Variants in CNOT7 observed in about 807,000 individuals in gnomAD.
CNOT7 encodes BTG1-binding factor 1.
A neutral mutation model predicts 37.1 loss-of-function variants in CNOT7; 4 were observed. The observed-to-expected ratio is 0.11, with a 90% CI of 0.05 to 0.25. CNOT7 has a LOEUF of 0.25. Among genes scored for constraint, CNOT7 ranks in the 10% least tolerant of loss-of-function variants. CNOT7 has a pLI of 1.00. For missense variants in CNOT7, 170 were observed against 336.2 expected, an observed-to-expected ratio of 0.51 and a Z score of 3.87; for synonymous variants, 128 against 115.6, an observed-to-expected ratio of 1.11 and a Z score of -0.69.
At chr8:17,234,574 A>T in intron 5 of CNOT7, 142 bp downstream of exon 5, 2 of 889,002 alleles carry the variant, frequency 2.2e-6, no homozygotes, top group South Asian at 3.1e-5. Context: ...GCAAGAAAAA[A>T]AATCACATGA....
Position 17,234,783 on chromosome 8 carries a change from A to T in CNOT7, c.551T>A (p.Ile184Asn). The change falls in exon 5 of 7, where the codon ATC becomes AAC. Residue 184 changes from isoleucine to asparagine, a missense_variant. Coordinates refer to ENST00000361272, the MANE Select transcript of CNOT7 (RefSeq NM_013354.7). ...LPEEELDFFE[I>N]LRLFFPVIYD... is the part of the protein sequence containing the mutation. ...AATGACAGGAAAAAACAATCGAAGGATCTCAAAGAAGTCAAGTTCTTCTTC... is the reference window on the plus strand; with the variant it reads ...AATGACAGGAAAAAACAATCGAAGGTTCTCAAAGAAGTCAAGTTCTTCTTC... The T allele has an allele frequency of 6.2e-7, 1 of 1,614,080 alleles. No homozygotes were observed. The highest frequency in any genetic ancestry group is 8.5e-7 in the Non-Finnish European group (1 of 1,179,940).
rs143673036 is a variant in CNOT7 at position 17,230,454 on chromosome 8, T to C, written c.*266A>G. ...TAAAGTTTATCAAAATATTCAATGATGTAGCTTTCCCCACTCTCTGTCACA... is the reference window on the plus strand; with the variant it reads ...TAAAGTTTATCAAAATATTCAATGACGTAGCTTTCCCCACTCTCTGTCACA... On this transcript the variant is annotated 3_prime_UTR_variant, in exon 7 of 7. Coordinates refer to ENST00000361272, the MANE Select transcript of CNOT7 (RefSeq NM_013354.7). 1.3e-4 allele frequency: 30 copies of C among 232,774 alleles called. No individual in the cohort carries two copies. Among genetic ancestry groups the C allele is most frequent in the African/African-American group, 4.5e-4 (20 of 44,402 alleles). 14.4% of individuals were successfully genotyped at this position (232,774 alleles called of 1,614,324 possible).
chr8:17,245,418 A>T (rs1432168860), intron 1 of CNOT7, among the ~76,000 whole-genome samples, 171 bp from the exon 2 acceptor site: 2 of 152,180 alleles, frequency 1.3e-5, no homozygotes, highest in Non-Finnish European at 2.9e-5. Flanking sequence ...TATAGGAAAA[A>T]AAGGACTACA....
chr8:17,237,887 G>T (rs1044639601), intron 3 of CNOT7, among the ~76,000 whole-genome samples: 4 of 152,222 alleles, frequency 2.6e-5, no homozygotes, highest in African/African-American at 9.6e-5. Context: ...CTTAAAGAAG[G>T]AGATGCCTCC....
At position 17,229,626 on chromosome 8, in the gene CNOT7, A is replaced by T. The variant is rs996656362; in HGVS notation, c.*1094T>A. On this transcript the variant is annotated 3_prime_UTR_variant, in exon 7 of 7. Coordinates refer to ENST00000361272, the MANE Select transcript of CNOT7 (RefSeq NM_013354.7). The stretch of plus-strand genomic sequence containing the variant: ...ATTACACTCCTCAGGTAATTTTATC[A>T]GCTATATATATATATATGAGAATAT... 6.6e-6 allele frequency: 1 copy of T among 151,574 alleles called. No homozygotes were observed. The highest frequency in any genetic ancestry group is 6.6e-5 in the Admixed American group (1 of 15,108). The allele number at this position is 151,574 out of a possible 1,614,324, so 9.4% of individuals were successfully genotyped here. A position where few individuals can be genotyped will look rare whatever the true frequency, so the allele number is the denominator to read the frequency against.
Position 17,227,326 on chromosome 8 carries a change from T to C in CNOT7, c.*3394A>G, listed in dbSNP as rs1402003180. On this transcript the variant is annotated 3_prime_UTR_variant, in exon 7 of 7. Coordinates refer to ENST00000361272, the MANE Select transcript of CNOT7 (RefSeq NM_013354.7). ...TTGTAGTTCCATACAAATTCTTCGA[T>C]CACTTCAAATCCAGCAATGGTTTCT... 3 of 151,870 alleles carry C rather than the reference T, an allele frequency of 2.0e-5. No individual in the cohort carries two copies. The highest frequency in any genetic ancestry group is 4.4e-5 in the Non-Finnish European group (3 of 67,792). The allele number at this position is 151,870 out of a possible 1,614,324, so 9.4% of individuals were successfully genotyped here. A position where few individuals can be genotyped will look rare whatever the true frequency, so the allele number is the denominator to read the frequency against.
rs952192076 is a variant in CNOT7, at chr8:17,225,247, ATTC to A, written c.*5470_*5472del. On this transcript the variant is annotated 3_prime_UTR_variant, in exon 7 of 7. Transcript: ENST00000361272. ...TTTCTTGGTATGATACTAAATAAAG[ATTC>A]TTATCTTTTGGGAGAAAGAGCCAAA... 4 of 151,722 alleles carry A rather than the reference ATTC, an allele frequency of 2.6e-5. No homozygotes were observed. Among genetic ancestry groups the A allele is most frequent in the East Asian group, 1.9e-4 (1 of 5,186 alleles). The allele number at this position is 151,722 out of a possible 1,614,324, so 9.4% of individuals were successfully genotyped here.
chr8:17,245,357 A>T (rs553714118), intron 1 of CNOT7, 110 bp from the exon 2 acceptor site: 18 of 251,554 alleles, frequency 7.2e-5, no homozygotes, highest in Middle Eastern at 1.4e-3. Context: ...CTTGACTCAT[A>T]AAAAAAAAAA....
At position 17,245,066 on chromosome 8, in the gene CNOT7, T is replaced by G; in HGVS notation, c.87A>C (p.Gln29His). The change falls in exon 2 of 7, where the codon CAA becomes CAC. Residue 29 changes from glutamine to histidine, a missense_variant. Transcript: ENST00000361272. Reference sequence around the variant, plus strand: ...CAACGTAATTATATTTTCGGATAACTTGACGAATTTTCTTCATCTCTTCAT... The same window carrying G: ...CAACGTAATTATATTTTCGGATAACGTGACGAATTTTCTTCATCTCTTCAT... Reference protein sequence around the residue: ...NLDEEMKKIRQVIRKYNYVAM... With the variant: ...NLDEEMKKIRHVIRKYNYVAM... The G allele has an allele frequency of 6.2e-7, 1 of 1,613,764 alleles. No homozygotes were observed.
intron 3 of CNOT7, chr8:17,242,023 C>T (rs1424024059): frequency 1.3e-5 from 2 of 152,156 alleles, no homozygotes; most frequent in South Asian, 2.1e-4. Flanking sequence ...CATGTCGTTC[C>T]GTGGCACAGT....
At chr8:17,230,926 T>A in intron 6 of CNOT7, 78 bp from the exon 7 acceptor site, 2 of 1,046,400 alleles carry the variant, frequency 1.9e-6, no homozygotes, top group Non-Finnish European at 2.8e-6. Flanking sequence ...TTCAGCAATG[T>A]AAGTACTGAC....
intron 6 of CNOT7, 103 bp from the exon 7 acceptor site, chr8:17,230,951 A>G (rs2067159549): frequency 1.3e-6 from 1 of 776,216 alleles, no homozygotes; most frequent in South Asian, 2.0e-5. Context: ...CACTGACAAT[A>G]ATGATGGCTC....
chr8:17,240,023 C>T (rs191071470), intron 3 of CNOT7, among the ~76,000 whole-genome samples: 90 of 152,302 alleles, frequency 5.9e-4, no homozygotes, highest in Non-Finnish European at 1.2e-3. Flanking sequence ...ATAAAGACCA[C>T]GACCAACTTT....
chr8:17,245,836 T>TA (rs575651261), intron 1 of CNOT7: 2 of 152,252 alleles, frequency 1.3e-5, no homozygotes, highest in South Asian at 2.1e-4. Flanking sequence ...GTCTAAAACT[T>TA]AGAGCATATT....
intron 3 of CNOT7, chr8:17,241,276 T>A (rs1810124899): frequency 2.5e-5 from 1 of 40,036 alleles, no homozygotes; most frequent in Non-Finnish European, 1.7e-4. Flanking sequence ...CTTAGTTTCA[T>A]TTTTTTTTTT....
chr8:17,225,090 C>A lies in CNOT7; in HGVS notation c.*5630G>T, dbSNP rs764507270. ...ATATGGCATGAGTGAAACAGTTCCC[C>A]ATTAAAAGCACTTAAAACCTATGAC... On this transcript the variant is annotated 3_prime_UTR_variant, in exon 7 of 7. Coordinates refer to ENST00000361272, the MANE Select transcript of CNOT7 (RefSeq NM_013354.7). 4 of 151,614 alleles carry A rather than the reference C, an allele frequency of 2.6e-5. No individual in the cohort carries two copies. Among genetic ancestry groups the A allele is most frequent in the Admixed American group, 2.0e-4 (3 of 15,190 alleles). The allele number at this position is 151,614 out of a possible 1,614,324, so 9.4% of individuals were successfully genotyped here. A position where few individuals can be genotyped will look rare whatever the true frequency, so the allele number is the denominator to read the frequency against.
rs1482514064 is a variant in CNOT7, at chr8:17,226,461, C to G, written c.*4259G>C. 6.6e-6 allele frequency: 1 copy of G among 151,678 alleles called. No individual in the cohort carries two copies. Among genetic ancestry groups the G allele is most frequent in the African/African-American group, 2.4e-5 (1 of 41,390 alleles). The allele number at this position is 151,678 out of a possible 1,614,324, so 9.4% of individuals were successfully genotyped here. ...TGATTTTAGTTAAGCATATTCATCA[C>G]TTGTAAGGCATTTGTAGGATTCATC... On this transcript the variant is annotated 3_prime_UTR_variant, in exon 7 of 7. Coordinates refer to ENST00000361272, the MANE Select transcript of CNOT7 (RefSeq NM_013354.7).
intron 5 of CNOT7, among the ~76,000 whole-genome samples, chr8:17,233,154 AAGAC>A (rs1200704327): frequency 1.3e-5 from 2 of 151,978 alleles, no homozygotes; most frequent in Non-Finnish European, 2.9e-5. Flanking sequence ...AAGAAAGAGA[AAGAC>A]AGTAACAGAA....
intron 1 of CNOT7, 34 bp from the exon 2 acceptor site, chr8:17,245,281 TA>T: frequency 3.2e-6 from 3 of 930,362 alleles, no homozygotes; most frequent in Non-Finnish European, 4.5e-6. Context: ...GAAGACCAGA[TA>T]TATCAAATCT....
Sources: gnomAD v4.1 joint callset for allele counts (sites outside exome capture counted in the v4.1 genomes callset) on GRCh38, gnomAD v4.1.1 for gene constraint, MANE v1.5 for transcripts, NCBI Gene and HGNC (gene_info 2026-07-23, HGNC 2026-07-21) for gene names.